TUBGCP2: variants seen among roughly 807,000 people sequenced by gnomAD.
The protein encoded by TUBGCP2 is gamma-tubulin complex component 2.
A neutral mutation model predicts 92.2 loss-of-function variants in TUBGCP2; 55 were observed. The observed-to-expected ratio is 0.60, with a 90% confidence interval of 0.48 to 0.75. The LOEUF (loss-of-function observed/expected upper bound fraction) is 0.75. Ranked by LOEUF, TUBGCP2 falls within the 30% of genes least tolerant of loss-of-function variation. The probability of loss-of-function intolerance (pLI) is 0.00; values close to 1 mark genes in which losing one functional copy is unlikely to be tolerated. For synonymous variants in TUBGCP2, 533 were observed against 505.2 expected, an observed-to-expected ratio of 1.06 and a Z score of -0.74; for missense variants, 1,093 against 1,188.9, an observed-to-expected ratio of 0.92 and a Z score of 1.19.
At chr10:133,282,453 C>G in intron 15 of TUBGCP2, 111 bp from the exon 16 acceptor site, 1 of 1,391,602 alleles carries the variant, frequency 7.2e-7, no homozygotes, top group Non-Finnish European at 9.4e-7. Context: ...TTGTAGCCTG[C>G]GGCTGGGGGT....
At chr10:133,293,864 A>G (rs945295912) in intron 5 of TUBGCP2, 95 bp from the exon 6 acceptor site, 1 of 1,216,412 alleles carries the variant, frequency 8.2e-7, no homozygotes, top group African/African-American at 1.5e-5. Flanking sequence ...ACTCTTGCTC[A>G]TCTTTGTTTA....
At chr10:133,297,594 A>T (rs1281973887) in intron 5 of TUBGCP2, among the ~76,000 whole-genome samples, 1 of 152,252 alleles carries the variant, frequency 6.6e-6, no homozygotes, top group Non-Finnish European at 1.5e-5. Context: ...GCTGTTCAGA[A>T]ATAAGTGCTG....
Position 133,285,447 on chromosome 10 carries a change from G to A in TUBGCP2, c.1895+9C>T, listed in dbSNP as rs762770955. On this transcript the variant is annotated intron_variant, in intron 12 of 17. Coordinates refer to ENST00000252936, the MANE Select transcript of TUBGCP2 (RefSeq NM_006659.4). The surrounding 1 kb of genome is among the most constrained non-coding windows in gnomAD (Gnocchi z 6.8). ...AGATCTGGCAGGTGCCCGAGCAGCCGACCCGCACCTGTTGATGATGAGCGA... is the reference window on the plus strand; with the variant it reads ...AGATCTGGCAGGTGCCCGAGCAGCCAACCCGCACCTGTTGATGATGAGCGA... The A allele has an allele frequency of 6.8e-6, 11 of 1,613,110 alleles. No homozygotes were observed. The highest frequency in any genetic ancestry group is 4.4e-5 in the South Asian group (4 of 91,006).
chr10:133,289,784 C>G (rs200929023), intron 9 of TUBGCP2, 40 bp downstream of exon 9: 207 of 1,610,732 alleles, frequency 1.3e-4, no homozygotes, highest in Non-Finnish European at 1.7e-4. Flanking sequence ...CCAGGCAGAG[C>G]TGTGCTGCGC....
chr10:133,298,482 G>A (rs942744685), intron 4 of TUBGCP2, among the ~76,000 whole-genome samples: 4 of 152,266 alleles, frequency 2.6e-5, no homozygotes, highest in Non-Finnish European at 4.4e-5. Flanking sequence ...TTCTGGCAGT[G>A]ACTAGGTCTG....
chr10:133,285,729 A>T lies in TUBGCP2; in HGVS notation c.1723-101T>A. 8.4e-7 allele frequency: 1 copy of T among 1,188,008 alleles called. No homozygotes were observed. Among genetic ancestry groups the T allele is most frequent in the Non-Finnish European group, 1.1e-6 (1 of 891,480 alleles). The allele number at this position is 1,188,008 out of a possible 1,614,324, so 73.6% of individuals were successfully genotyped here. ...CGCTCACAGACCCAGCGCTGACGTA[A>T]GGTTCCCTACATTCCGATTCTAAAT... On this transcript the variant is annotated intron_variant, in intron 11 of 17. Transcript: ENST00000252936. This position sits in a 1 kb window ranked among gnomAD's most constrained non-coding sequence, Gnocchi z 6.8.
Position 133,292,569 on chromosome 10 carries a change from C to T in TUBGCP2, c.1144G>A (p.Ala382Thr). 6.2e-7 allele frequency: 1 copy of T among 1,614,190 alleles called. No individual in the cohort carries two copies. The highest frequency in any genetic ancestry group is 1.1e-5 in the South Asian group (1 of 91,092). The change falls in exon 8 of 18, where the codon GCG (alanine) becomes ACG (threonine). Residue 382 changes from alanine (A) to threonine (T), a missense_variant. By Grantham distance (58) the Ala-to-Thr change is moderately conservative (BLOSUM62 0). This residue lies in a region of TUBGCP2 where 490 missense variants were observed against 488.5 expected (regional missense o/e 1.00). Transcript: ENST00000252936. ...AQELCLYLTK[A>T]ASAPYFEVLE... The stretch of plus-strand genomic sequence containing the variant: ...ACCTCGAAGTAGGGAGCACTGGCCG[C>T]CTTGGTTAGGTACAGGCATAGCTCC...
At chr10:133,309,081 G>C (rs760837537), upstream of TUBGCP2, 1 of 1,306,074 alleles carries the variant, frequency 7.7e-7, no homozygotes, top group East Asian at 2.9e-5. Context: ...TCCCGCGGGA[G>C]CACCAGTTCT....
In TUBGCP2 at chr10:133,278,887, C is replaced by T. The variant is rs1589818436; in HGVS notation, c.*879G>A. On this transcript the variant is annotated 3_prime_UTR_variant, in exon 18 of 18. Transcript: ENST00000252936. ...CCGAGGTGCTGAGAGCTGAAGGTGA[C>T]AACAATACACATGCAGGTCAGCAGG... The T allele has an allele frequency of 6.6e-6, 1 of 152,484 alleles. No individual in the cohort carries two copies. The highest frequency in any genetic ancestry group is 3.3e-3 in the Middle Eastern group (1 of 300). 9.4% of individuals were successfully genotyped at this position (152,484 alleles called of 1,614,324 possible).
chr10:133,299,646 T>C, intron 3 of TUBGCP2, 43 bp from the exon 4 acceptor site: 1 of 1,524,236 alleles, frequency 6.6e-7, no homozygotes, highest in Non-Finnish European at 8.9e-7. Context: ...GGCCAGCACC[T>C]CTTTGGCCAT....
chr10:133,310,551 G>C (rs1010682265), upstream of TUBGCP2: 6 of 497,498 alleles, frequency 1.2e-5, no homozygotes, highest in Admixed American at 2.0e-4. Context: ...GGGAATGAGC[G>C]GGCGCAGCGC....
chr10:133,309,033 G>C, upstream of TUBGCP2: 1 of 1,269,568 alleles, frequency 7.9e-7, no homozygotes, highest in Non-Finnish European at 1.0e-6. Flanking sequence ...CCGCGGCTGG[G>C]GCCGCGCCCT....
chr10:133,286,734 A>G (rs1308822040), intron 11 of TUBGCP2, among the ~76,000 whole-genome samples: 1 of 152,148 alleles, frequency 6.6e-6, no homozygotes, highest in Admixed American at 6.5e-5. Flanking sequence ...AACAAGCAAC[A>G]GAAGGAAAAC....
At chr10:133,288,751 A>T (rs776121212) in intron 10 of TUBGCP2, 89 bp downstream of exon 10, 4 of 1,407,946 alleles carry the variant, frequency 2.8e-6, no homozygotes, top group Non-Finnish European at 2.9e-6. Context: ...GAGCTGCCAG[A>T]AGAAACCCAG....
In TUBGCP2 at chr10:133,288,205, G is replaced by T; in HGVS notation, c.1646C>A (p.Pro549His). ...LRKPVEDITP[P>H]RLEALLELAL... ...CAGCTCCAGGAGCGCTTCCAGGCGA[G>T]GGGGCGTGATGTCCTCCACCGGCTT... Residue 549 changes from proline (P) to histidine (H), a missense_variant, in exon 11 of 18, where the codon CCT (proline) becomes CAT (histidine). Pro to His is a moderately conservative substitution (Grantham distance 77, BLOSUM62 -2). Coordinates refer to ENST00000252936, the MANE Select transcript of TUBGCP2 (RefSeq NM_006659.4). 6.2e-7 allele frequency: 1 copy of T among 1,613,908 alleles called. No individual in the cohort carries two copies. The highest frequency in any genetic ancestry group is 8.5e-7 in the Non-Finnish European group (1 of 1,179,956).
At chr10:133,289,737 G>A in intron 9 of TUBGCP2, 87 bp downstream of exon 9, 3 of 1,474,616 alleles carry the variant, frequency 2.0e-6, no homozygotes, top group South Asian at 2.6e-5. Flanking sequence ...GTGAGGCACA[G>A]GCTCCCGGTG....
intron 8 of TUBGCP2, among the ~76,000 whole-genome samples, chr10:133,291,292 TCCCGGGGAG>T (rs1847292466): frequency 9.9e-6 from 1 of 100,900 alleles, no homozygotes; most frequent in African/African-American, 5.6e-5. Flanking sequence ...TGTCCCTGTG[TCCCGGGGAG>T]CCCTACCTGT....
intron 8 of TUBGCP2, among the ~76,000 whole-genome samples, chr10:133,291,829 GT>G (rs1225087817): frequency 2.9e-4 from 4 of 13,932 alleles, no homozygotes; most frequent in Non-Finnish European, 4.2e-4. Flanking sequence ...GTCCCTCCGT[GT>G]CCCCCATGTC....
At chr10:133,309,604 C>T (rs367587479), upstream of TUBGCP2, 22 of 1,269,612 alleles carry the variant, frequency 1.7e-5, no homozygotes, top group East Asian at 5.0e-5. Flanking sequence ...TTGGCGTGGC[C>T]GACTCTTCCA....
Sources: allele counts gnomAD v4.1 joint callset (sites outside exome capture counted in the v4.1 genomes callset), GRCh38; gene constraint gnomAD v4.1.1; regional missense constraint gnomAD v4.1.1; non-coding constraint Gnocchi (gnomAD v3.1); transcripts MANE v1.5; gene names NCBI Gene and HGNC (gene_info 2026-07-23, HGNC 2026-07-21).